MEF2C: variants seen among roughly 807,000 people sequenced by gnomAD.
MEF2C encodes the protein myocyte enhancer factor 2C.
MEF2C carries 6 observed loss-of-function variants against 50.5 expected under a neutral mutation model. That is an observed-to-expected ratio of 0.12 (90% CI 0.07 to 0.23). MEF2C has a LOEUF of 0.23. MEF2C is among the 10% of genes least tolerant of loss of function. The pLI is 1.00. For missense variants in MEF2C, 276 were observed against 605.0 expected (o/e 0.46, Z 5.70); for synonymous variants, 183 against 228.0 (o/e 0.80, Z 1.78).
intron 1 of MEF2C, among the ~76,000 whole-genome samples, 191 bp downstream of exon 1, chr5:88,882,764 A>G (rs148984390): frequency 2.8e-4 from 43 of 152,344 alleles, no homozygotes; most frequent in African/African-American, 1.0e-3. Context: ...ACGACTATCT[A>G]AAAAGTTACT....
At chr5:88,872,917 T>C (rs1473008732) in intron 1 of MEF2C, among the ~76,000 whole-genome samples, 2 of 152,040 alleles carry the variant, frequency 1.3e-5, no homozygotes, top group Non-Finnish European at 2.9e-5. Context: ...AAAGAAATGA[T>C]ATTAAGTGTG....
At chr5:88,852,884 C>T (rs181828946) in intron 1 of MEF2C, among the ~76,000 whole-genome samples, 21 of 151,352 alleles carry the variant, frequency 1.4e-4, no homozygotes, top group Admixed American at 1.1e-3. Flanking sequence ...CACTGCGCTC[C>T]AGCCTGGGGG....
rs988508778 is a variant in MEF2C, at chr5:88,741,691, T to C, written c.637+7379A>G. 1.0e-5 allele frequency: 10 copies of C among 980,226 alleles called. No individual in the cohort carries two copies. The African/African-American group carries it at 1.8e-4, about 17-fold the overall frequency. 60.7% of individuals were successfully genotyped at this position (980,226 alleles called of 1,614,324 possible). Reference sequence around the variant, plus strand: ...TCTATATTAGTATAGCAGGGCTTTTTCCTCCTTATACTTTAAATACAACAT... The same window carrying C: ...TCTATATTAGTATAGCAGGGCTTTTCCCTCCTTATACTTTAAATACAACAT... On this transcript the variant is annotated intron_variant, in intron 6 of 10. Transcript: ENST00000504921.
rs192635733 is a variant in MEF2C at position 88,719,588 on chromosome 5, C to T, written c.*3016G>A. On this transcript the variant is annotated 3_prime_UTR_variant, in exon 11 of 11. Coordinates refer to ENST00000504921, the MANE Select transcript of MEF2C (RefSeq NM_002397.5). ...TATGTAAAATAATACTCCCTCAGGG[C>T]TCTGCCCTAAAGTCTGGAATACAAA... 1 of 152,334 alleles carries T rather than the reference C, an allele frequency of 6.6e-6. No individual in the cohort carries two copies. Among genetic ancestry groups the T allele is most frequent in the Admixed American group, 6.5e-5 (1 of 15,306 alleles). The allele number at this position is 152,334 out of a possible 1,614,324, so 9.4% of individuals were successfully genotyped here. A position where few individuals can be genotyped will look rare whatever the true frequency, so the allele number is the denominator to read the frequency against.
chr5:88,829,763 T>C (rs1427061110), intron 1 of MEF2C, among the ~76,000 whole-genome samples: 1 of 152,058 alleles, frequency 6.6e-6, no homozygotes, highest in Non-Finnish European at 1.5e-5. Context: ...GTTAGAATTC[T>C]AGCTTGGTAC....
At chr5:88,825,089 C>T (rs1004331896) in intron 1 of MEF2C, among the ~76,000 whole-genome samples, 1 of 151,824 alleles carries the variant, frequency 6.6e-6, no homozygotes, top group African/African-American at 2.4e-5. Context: ...TGACAACGGA[C>T]CTGATAAATT....
At chr5:88,762,583 A>T (rs1042877491) in intron 3 of MEF2C, among the ~76,000 whole-genome samples, 21 of 151,136 alleles carry the variant, frequency 1.4e-4, no homozygotes, top group East Asian at 1.9e-4. Context: ...TATTATTATT[A>T]TTTTTTTTTA....
At position 88,722,529 on chromosome 5, in the gene MEF2C, C is replaced by T. The variant is rs1209282255; in HGVS notation, c.*75G>A. 9 of 1,325,306 alleles carry T rather than the reference C, an allele frequency of 6.8e-6. No individual in the cohort carries two copies. The highest frequency in any genetic ancestry group is 9.4e-6 in the Non-Finnish European group (9 of 961,608). 82.1% of individuals were successfully genotyped at this position (1,325,306 alleles called of 1,614,324 possible). A position where few individuals can be genotyped will look rare whatever the true frequency, so the allele number is the denominator to read the frequency against. On this transcript the variant is annotated 3_prime_UTR_variant, in exon 11 of 11. Transcript: ENST00000504921. ...ACACGGCACATATAATGCATATCGACCCCCCTTCCCCATTAAGGTATAGCA... is the reference window on the plus strand; with the variant it reads ...ACACGGCACATATAATGCATATCGATCCCCCTTCCCCATTAAGGTATAGCA...
At chr5:88,851,514 G>A (rs1216424059) in intron 1 of MEF2C, among the ~76,000 whole-genome samples, 1 of 152,014 alleles carries the variant, frequency 6.6e-6, no homozygotes, top group Non-Finnish European at 1.5e-5. Context: ...CTTCCATTTT[G>A]ATGTCAATCA....
chr5:88,879,519 A>G (rs959564117), intron 1 of MEF2C, among the ~76,000 whole-genome samples: 1 of 151,982 alleles, frequency 6.6e-6, no homozygotes, highest in Admixed American at 6.6e-5. Flanking sequence ...ATTGACTATT[A>G]TGCATTTTCT....
At chr5:88,776,245 A>G (rs1784689423) in intron 3 of MEF2C, among the ~76,000 whole-genome samples, 1 of 152,218 alleles carries the variant, frequency 6.6e-6, no homozygotes, top group Non-Finnish European at 1.5e-5. Flanking sequence ...ATACTTGTAT[A>G]TATTTATATG....
chr5:88,871,430 C>A (rs1275991671), intron 1 of MEF2C, among the ~76,000 whole-genome samples: 1 of 151,812 alleles, frequency 6.6e-6, no homozygotes, highest in African/African-American at 2.4e-5. Flanking sequence ...GCTGTTTTAC[C>A]ATAGGGAAGT....
intron 2 of MEF2C, among the ~76,000 whole-genome samples, chr5:88,808,014 T>C (rs1413854175): frequency 6.6e-6 from 1 of 152,226 alleles, no homozygotes; most frequent in Non-Finnish European, 1.5e-5. Context: ...GCTAGTGTTT[T>C]ATTTTCATAT....
intron 1 of MEF2C, among the ~76,000 whole-genome samples, chr5:88,897,376 A>G (rs549510607): frequency 6.6e-6 from 1 of 152,292 alleles, no homozygotes; most frequent in South Asian, 2.1e-4. Context: ...AATAAAGCCT[A>G]TGGTTTCTCT....
chr5:88,779,434 T>C (rs1196345508), intron 3 of MEF2C, among the ~76,000 whole-genome samples: 1 of 152,110 alleles, frequency 6.6e-6, no homozygotes, highest in Non-Finnish European at 1.5e-5. Context: ...CCCGATTGCA[T>C]TACATTATTG....
rs1217150620 is a variant in MEF2C, at chr5:88,750,224, A to G, written c.590-1107T>C. On this transcript the variant is annotated intron_variant, in intron 5 of 10. Transcript: ENST00000504921. ...TATACACGATTTTTTTTTTTTTTTG[A>G]GACAGAGCTTGCTCTGTTGCCCAGG... The G allele has an allele frequency of 7.7e-5, 24 of 309,936 alleles. 1 individual carries two copies. The South Asian group carries it at 2.3e-3, about 29-fold the overall frequency. 19.2% of individuals were successfully genotyped at this position (309,936 alleles called of 1,614,324 possible).
intron 6 of MEF2C, chr5:88,742,445 T>C (rs879936146): frequency 1.6e-4 from 158 of 980,754 alleles, no homozygotes; most frequent in Non-Finnish European, 1.9e-4. Context: ...CTTCACACTA[T>C]TAGGTTAAAT....
At chr5:88,829,926 T>C (rs554165797) in intron 1 of MEF2C, among the ~76,000 whole-genome samples, 75 of 152,108 alleles carry the variant, frequency 4.9e-4, no homozygotes, top group Middle Eastern at 3.4e-3. Flanking sequence ...ACAGTAGTAC[T>C]GGGAACATGG....
intron 1 of MEF2C, among the ~76,000 whole-genome samples, chr5:88,872,684 A>G (rs1040907935): frequency 7.9e-5 from 12 of 151,994 alleles, no homozygotes; most frequent in African/African-American, 2.9e-4. Context: ...TTTTATATGT[A>G]TTATCCTAGT....
Sources: allele counts gnomAD v4.1 joint callset (sites outside exome capture counted in the v4.1 genomes callset), GRCh38; gene constraint gnomAD v4.1.1; transcripts MANE v1.5; gene names NCBI Gene and HGNC (gene_info 2026-07-23, HGNC 2026-07-21).